The following PLXDC2 variants were observed in gnomAD, a reference collection of about 807,000 sequenced individuals.
PLXDC2 encodes the protein plexin domain containing 2, also known as plexin domain-containing protein 2.
PLXDC2 carries 40 observed loss-of-function variants against 68.9 expected under a neutral mutation model. The observed-to-expected ratio is 0.58, with a 90% CI of 0.45 to 0.76. PLXDC2 has a LOEUF of 0.76. PLXDC2 is among the 30% of genes least tolerant of loss of function. The probability of loss-of-function intolerance (pLI) is 0.00; values close to 1 mark genes in which losing one functional copy is unlikely to be tolerated. For synonymous variants in PLXDC2, 243 were observed against 234.2 expected (o/e 1.04, Z -0.34); for missense variants, 644 against 661.9 (o/e 0.97, Z 0.30).
At chr10:20,021,843 C>T (rs1386889156) in intron 2 of PLXDC2, among the ~76,000 whole-genome samples, 1 of 152,082 alleles carries the variant, frequency 6.6e-6, no homozygotes, top group Non-Finnish European at 1.5e-5. Context: ...GGATTACAGG[C>T]ATGCGCCACC....
intron 2 of PLXDC2, among the ~76,000 whole-genome samples, chr10:20,032,743 C>G (rs918726127): frequency 1.3e-5 from 2 of 151,658 alleles, no homozygotes; most frequent in African/African-American, 4.8e-5. Flanking sequence ...TGAAGCTACT[C>G]CATATGTCTC....
chr10:20,088,568 T>C (rs1833232177), intron 4 of PLXDC2, among the ~76,000 whole-genome samples: 1 of 152,162 alleles, frequency 6.6e-6, no homozygotes, highest in Admixed American at 6.5e-5. Flanking sequence ...AAGGTAGAGA[T>C]AGATTGTAAA....
At chr10:19,878,389 C>G (rs1372902322) in intron 1 of PLXDC2, among the ~76,000 whole-genome samples, 1 of 152,054 alleles carries the variant, frequency 6.6e-6, no homozygotes, top group Non-Finnish European at 1.5e-5. Flanking sequence ...AGCTTATTGC[C>G]ATCTCGTGGA....
At chr10:20,060,394 T>TA (rs1384701850) in intron 3 of PLXDC2, among the ~76,000 whole-genome samples, 1 of 151,192 alleles carries the variant, frequency 6.6e-6, no homozygotes, top group African/African-American at 2.4e-5. Flanking sequence ...TTGAGAATTT[T>TA]AAAAAAGAAA....
At chr10:20,209,192 C>T (rs528877551) in intron 9 of PLXDC2, among the ~76,000 whole-genome samples, 1 of 152,230 alleles carries the variant, frequency 6.6e-6, no homozygotes, top group East Asian at 1.9e-4. Flanking sequence ...TCCTAATAAG[C>T]CTGGGAGTGC....
rs74229466 is a variant in PLXDC2, at chr10:19,895,159, A to G, written c.112+77968A>G. 6.4e-3 allele frequency among the ~76,000 whole-genome samples: 968 copies of G among 152,304 alleles called. 44 individuals are homozygous for G. In the East Asian group the frequency reaches 0.13, roughly 20 times the overall value. On this transcript the variant is annotated intron_variant, in intron 1 of 13. Coordinates refer to ENST00000377252, the MANE Select transcript of PLXDC2 (RefSeq NM_032812.9). Reference sequence around the variant, plus strand: ...GGATGAAACTGAACTACTTTTCTTAACAACTAGGGGAAGCCTTGAAACAGG... The same window carrying G: ...GGATGAAACTGAACTACTTTTCTTAGCAACTAGGGGAAGCCTTGAAACAGG...
intron 6 of PLXDC2, among the ~76,000 whole-genome samples, chr10:20,148,254 T>C (rs1222928817): frequency 1.6e-5 from 2 of 122,290 alleles, no homozygotes; most frequent in East Asian, 2.1e-4. Context: ...TTTACGTATT[T>C]TCTTTAGTTA....
At chr10:19,884,597 T>C (rs897646295) in intron 1 of PLXDC2, among the ~76,000 whole-genome samples, 1 of 151,202 alleles carries the variant, frequency 6.6e-6, no homozygotes, top group Non-Finnish European at 1.5e-5. Flanking sequence ...AGTGAGAATA[T>C]ACAGTGTTTG....
At chr10:19,902,306 T>C (rs1414870754) in intron 1 of PLXDC2, among the ~76,000 whole-genome samples, 2 of 152,218 alleles carry the variant, frequency 1.3e-5, no homozygotes, top group African/African-American at 4.8e-5. Flanking sequence ...TCCATGAGCA[T>C]GGGATGTGTT....
At chr10:20,124,776 G>A (rs1200693841) in intron 4 of PLXDC2, among the ~76,000 whole-genome samples, 1 of 152,062 alleles carries the variant, frequency 6.6e-6, no homozygotes, top group Non-Finnish European at 1.5e-5. Context: ...CCAGGAGAAG[G>A]AATTTCACAA....
At chr10:20,093,948 C>T (rs534454110) in intron 4 of PLXDC2, among the ~76,000 whole-genome samples, 2 of 152,094 alleles carry the variant, frequency 1.3e-5, no homozygotes, top group South Asian at 2.1e-4. Context: ...GTTAGGATTA[C>T]AGGCATGAGC....
intron 1 of PLXDC2, among the ~76,000 whole-genome samples, chr10:19,935,416 T>C (rs1203233326): frequency 6.6e-6 from 1 of 152,172 alleles, no homozygotes; most frequent in Non-Finnish European, 1.5e-5. Context: ...AACCCAAGGA[T>C]GCATGAGCTC....
At chr10:20,261,829 G>C (rs1588549890) in intron 13 of PLXDC2, among the ~76,000 whole-genome samples, 1 of 151,276 alleles carries the variant, frequency 6.6e-6, no homozygotes. Flanking sequence ...ACTCCAGCCT[G>C]GGCGCCAAGA....
At chr10:19,843,977 C>T (rs1836952827) in intron 1 of PLXDC2, among the ~76,000 whole-genome samples, 1 of 152,040 alleles carries the variant, frequency 6.6e-6, no homozygotes, top group Non-Finnish European at 1.5e-5. Context: ...GTGATGGGTG[C>T]CCCAAATGCC....
rs1833809365 is a variant in PLXDC2, at chr10:20,127,521, A to G, written c.542-15774A>G. ...ACTTTAAATAGAACTGATTTTTAAA[A>G]TAAGGCTTCATTTACTATAGAATAT... On this transcript the variant is annotated intron_variant, in intron 4 of 13. Transcript: ENST00000377252. Among the ~76,000 whole-genome samples the G allele has an allele frequency of 5.3e-5, 8 of 152,318 alleles. 1 individual carries two copies. In the South Asian group the frequency reaches 1.7e-3, roughly 32 times the overall value.
intron 3 of PLXDC2, among the ~76,000 whole-genome samples, chr10:20,055,734 T>G (rs1301004335): frequency 6.6e-6 from 1 of 152,138 alleles, no homozygotes; most frequent in African/African-American, 2.4e-5. Flanking sequence ...TCTGCCTATG[T>G]CTCTTTAGCT....
intron 1 of PLXDC2, among the ~76,000 whole-genome samples, chr10:19,970,313 C>G (rs1834328577): frequency 6.6e-6 from 1 of 152,158 alleles, no homozygotes; most frequent in South Asian, 2.1e-4. Context: ...ACTGCCTCAT[C>G]ATCATCATAA....
chr10:20,014,071 G>A (rs1168037248), intron 2 of PLXDC2, among the ~76,000 whole-genome samples: 2 of 152,186 alleles, frequency 1.3e-5, no homozygotes, highest in Non-Finnish European at 2.9e-5. Context: ...ACTTTTTAGA[G>A]AAATCTTTTA....
intron 4 of PLXDC2, among the ~76,000 whole-genome samples, chr10:20,112,029 A>G (rs1262513508): frequency 6.6e-6 from 1 of 152,120 alleles, no homozygotes; most frequent in Non-Finnish European, 1.5e-5. Flanking sequence ...GCCCTCTTAC[A>G]AAGAGTCATT....
Sources: gnomAD v4.1 joint callset for allele counts (sites outside exome capture counted in the v4.1 genomes callset) on GRCh38, gnomAD v4.1.1 for gene constraint, MANE v1.5 for transcripts, NCBI Gene and HGNC (gene_info 2026-07-23, HGNC 2026-07-21) for gene names.